The following FOCAD variants were observed in gnomAD, a reference collection of about 807,000 sequenced individuals.
The protein encoded by FOCAD is focadhesin, also known as KIAA1797.
Under a neutral mutation model 225.6 loss-of-function variants are expected in FOCAD, and 198 were observed. That is an observed-to-expected ratio of 0.88 (90% CI 0.78 to 0.99). FOCAD has a LOEUF of 0.99. Ranked by LOEUF, FOCAD falls within the 50% of genes least tolerant of loss-of-function variation. The pLI, the probability that FOCAD is intolerant of heterozygous loss-of-function variation, is 0.00. For synonymous variants in FOCAD, 897 were observed against 755.0 expected, an observed-to-expected ratio of 1.19 and a Z score of -3.08; for missense variants, 2,713 against 2,123.6, an observed-to-expected ratio of 1.28 and a Z score of -5.46.
At chr9:20,822,709 T>G (rs1452502309) in intron 14 of FOCAD, among the ~76,000 whole-genome samples, 1 of 152,048 alleles carries the variant, frequency 6.6e-6, no homozygotes, top group Non-Finnish European at 1.5e-5. Context: ...CCTTGAGTTT[T>G]TCTCAATTCA....
intron 10 of FOCAD, among the ~76,000 whole-genome samples, chr9:20,788,516 C>G (rs564732697): frequency 1.3e-5 from 2 of 152,268 alleles, no homozygotes; most frequent in Non-Finnish European, 2.9e-5. Flanking sequence ...TTAACTTTTA[C>G]TTTCCATCCT....
At chr9:20,975,597 T>A (rs1326477514) in intron 35 of FOCAD, among the ~76,000 whole-genome samples, 2 of 152,170 alleles carry the variant, frequency 1.3e-5, no homozygotes, top group African/African-American at 4.8e-5. Context: ...AGCAATGAGG[T>A]ACTAATGTAA....
In FOCAD at chr9:20,948,317, C is replaced by T; in HGVS notation, c.3722C>T (p.Ser1241Phe). Reference protein sequence around the residue: ...LALGNIVHGLSVCGHGKAEDL... With the variant: ...LALGNIVHGLFVCGHGKAEDL... Reference sequence around the variant, plus strand: ...TTAGGAAACATAGTTCATGGATTGTCTGTGTGTGGACATGGAAAAGCTGAA... The same window carrying T: ...TTAGGAAACATAGTTCATGGATTGTTTGTGTGTGGACATGGAAAAGCTGAA... Residue 1241 changes from serine (S) to phenylalanine (F), a missense_variant, in exon 31 of 44, where the codon TCT becomes TTT. Coordinates refer to ENST00000338382, the MANE Select transcript of FOCAD (RefSeq NM_001375567.1). 6.2e-7 allele frequency: 1 copy of T among 1,611,652 alleles called. No individual in the cohort carries two copies. Among genetic ancestry groups the T allele is most frequent in the Non-Finnish European group, 8.5e-7 (1 of 1,178,680 alleles).
chr9:20,802,591 G>A (rs1821966176), intron 11 of FOCAD, among the ~76,000 whole-genome samples: 2 of 152,070 alleles, frequency 1.3e-5, no homozygotes, highest in African/African-American at 4.8e-5. Flanking sequence ...TATATTAGGT[G>A]TATCTACCTT....
At chr9:20,986,169 G>A (rs1841133572) in intron 39 of FOCAD, 119 bp from the exon 40 acceptor site, 2 of 954,248 alleles carry the variant, frequency 2.1e-6, no homozygotes, top group Non-Finnish European at 2.9e-6. Flanking sequence ...TGTGCTGCAG[G>A]AAATGAACAG....
At chr9:20,727,512 TC>T (rs1826301391) in intron 4 of FOCAD, among the ~76,000 whole-genome samples, 2 of 152,192 alleles carry the variant, frequency 1.3e-5, no homozygotes, top group Non-Finnish European at 2.9e-5. Context: ...TAACATTACA[TC>T]TCTTAGATTT....
At chr9:20,792,615 T>A (rs1421336480) in intron 11 of FOCAD, among the ~76,000 whole-genome samples, 1 of 152,216 alleles carries the variant, frequency 6.6e-6, no homozygotes. Context: ...CTTACAACAC[T>A]GAGGTATTTT....
chr9:20,988,469 C>A, intron 41 of FOCAD, 40 bp downstream of exon 41: 4 of 1,142,276 alleles, frequency 3.5e-6, no homozygotes, highest in Non-Finnish European at 5.0e-6. Flanking sequence ...CCTTAAAATA[C>A]AGAACTTATA....
At chr9:20,898,115 CT>C (rs1252086363) in intron 21 of FOCAD, among the ~76,000 whole-genome samples, 2 of 151,628 alleles carry the variant, frequency 1.3e-5, no homozygotes, top group Admixed American at 6.6e-5. Flanking sequence ...CTTATCTTTG[CT>C]TCTCTATATG....
chr9:20,893,087 G>T (rs1221495787), intron 21 of FOCAD, among the ~76,000 whole-genome samples: 2 of 152,024 alleles, frequency 1.3e-5, no homozygotes, highest in African/African-American at 4.8e-5. Flanking sequence ...ATCCACAGGT[G>T]CAGTTACAGA....
intron 18 of FOCAD, among the ~76,000 whole-genome samples, chr9:20,872,271 G>T (rs1050758713): frequency 6.6e-6 from 1 of 152,056 alleles, no homozygotes; most frequent in Admixed American, 6.6e-5. Context: ...TCTTTCTTTA[G>T]TGGCTCTTAA....
chr9:20,769,463 A>G (rs1335408832), intron 7 of FOCAD, among the ~76,000 whole-genome samples: 1 of 152,222 alleles, frequency 6.6e-6, no homozygotes, highest in Non-Finnish European at 1.5e-5. Context: ...TGGGATTTTC[A>G]AGAGCACCCA....
intron 21 of FOCAD, among the ~76,000 whole-genome samples, chr9:20,893,615 A>G (rs987671252): frequency 2.0e-5 from 3 of 152,122 alleles, no homozygotes; most frequent in African/African-American, 7.2e-5. Flanking sequence ...GGCTACAACT[A>G]CATGAGAGTG....
Position 20,820,995 on chromosome 9 carries a change from C to G in FOCAD, c.1717C>G (p.Leu573Val). The G allele has an allele frequency of 1.2e-6, 2 of 1,612,796 alleles. No individual in the cohort carries two copies. Among genetic ancestry groups the G allele is most frequent in the East Asian group, 2.2e-5 (1 of 44,844 alleles). The change falls in exon 14 of 44, where the codon CTT becomes GTT. Residue 573 changes from leucine (L) to valine (V), a missense_variant. Leu to Val is a conservative substitution (Grantham distance 32, BLOSUM62 1). Coordinates refer to ENST00000338382, the MANE Select transcript of FOCAD (RefSeq NM_001375567.1). ...RFMAVSDVPS[L>V]SVGKEVQWEK... is the part of the protein sequence containing the mutation. ...CATGGCTGTGTCTGATGTACCTTCT[C>G]TTTCGGTGGGCAAGGAAGTCCAATG...
chr9:20,880,384 T>TAGCAATCCTGC (rs1253391336), intron 19 of FOCAD, among the ~76,000 whole-genome samples: 2 of 152,288 alleles, frequency 1.3e-5, no homozygotes, highest in Non-Finnish European at 2.9e-5. Context: ...AGGCAACCTG[T>TAGCAATCCTGC]AGCAATCCTG....
chr9:20,774,745 C>G (rs1818588188), intron 8 of FOCAD, among the ~76,000 whole-genome samples: 2 of 152,052 alleles, frequency 1.3e-5, no homozygotes, highest in African/African-American at 4.8e-5. Flanking sequence ...AATGTAGAGT[C>G]ACAGGATACT....
chr9:20,860,113 G>C (rs781415562), intron 15 of FOCAD, among the ~76,000 whole-genome samples: 2 of 152,032 alleles, frequency 1.3e-5, no homozygotes, highest in African/African-American at 4.8e-5. Context: ...TCATTATTTC[G>C]TGTTTTTTCA....
chr9:20,961,061 C>T (rs761373933), intron 35 of FOCAD, among the ~76,000 whole-genome samples: 2 of 151,970 alleles, frequency 1.3e-5, no homozygotes, highest in Non-Finnish European at 2.9e-5. Context: ...CATACATGTG[C>T]ACAGAATGGG....
intron 19 of FOCAD, among the ~76,000 whole-genome samples, chr9:20,876,277 A>G (rs79442857): frequency 1.3e-5 from 2 of 152,300 alleles, no homozygotes; most frequent in African/African-American, 4.8e-5. Flanking sequence ...TGAAGTTAAC[A>G]TGAGTCCAAG....
Sources: gnomAD v4.1 joint callset for allele counts (sites outside exome capture counted in the v4.1 genomes callset) on GRCh38, gnomAD v4.1.1 for gene constraint, MANE v1.5 for transcripts, NCBI Gene and HGNC (gene_info 2026-07-23, HGNC 2026-07-21) for gene names.